KLF12: variants seen among roughly 807,000 people sequenced by gnomAD.
KLF12 encodes the protein KLF transcription factor 12.
In KLF12, 9 loss-of-function variants were observed where a neutral mutation model predicts 37.8. The observed-to-expected ratio is 0.24, with a 90% CI of 0.14 to 0.42. The LOEUF is 0.42. Among genes scored for constraint, KLF12 ranks in the 10% least tolerant of loss-of-function variants. KLF12 has a pLI of 1.00. For synonymous variants in KLF12, 208 were observed against 202.1 expected, an observed-to-expected ratio of 1.03 and a Z score of -0.25; for missense variants, 411 against 516.0, an observed-to-expected ratio of 0.80 and a Z score of 1.97.
At chr13:74,053,227 T>C (rs1873028697) in intron 1 of KLF12, among the ~76,000 whole-genome samples, 1 of 152,070 alleles carries the variant, frequency 6.6e-6, no homozygotes, top group Non-Finnish European at 1.5e-5. Context: ...AGTGAAAAAT[T>C]CCATTTGCCA....
At chr13:73,809,891 T>A (rs2325568) in intron 5 of KLF12, among the ~76,000 whole-genome samples, 3 of 151,934 alleles carry the variant, frequency 2.0e-5, no homozygotes, top group Admixed American at 1.3e-4. Context: ...ATGATACACA[T>A]GCAACTTTTG....
At chr13:74,278,666 T>C in the KLF12 span, among the ~76,000 whole-genome samples, 4 of 152,090 alleles carry the variant, frequency 2.6e-5, no homozygotes, top group African/African-American at 9.7e-5. Flanking sequence ...CCAAAAATCC[T>C]CCTCAATCTC....
At position 73,690,032 on chromosome 13, in the gene KLF12, TA is replaced by T. The variant is rs1218473614; in HGVS notation, c.*5457del. ...AAGATCAAATTAAGAAATGTTAATG[TA>T]AACAAGATTAGGTATATTTGAAAGC... On this transcript the variant is annotated 3_prime_UTR_variant, in exon 8 of 8. Coordinates refer to ENST00000377669, the MANE Select transcript of KLF12 (RefSeq NM_007249.5). 2 of 152,532 alleles carry T rather than the reference TA, an allele frequency of 1.3e-5. No individual in the cohort carries two copies. Among genetic ancestry groups the T allele is most frequent in the Non-Finnish European group, 2.9e-5 (2 of 68,026 alleles). 9.4% of individuals were successfully genotyped at this position (152,532 alleles called of 1,614,324 possible).
chr13:73,703,770 G>A (rs1044784393), intron 7 of KLF12, among the ~76,000 whole-genome samples: 17 of 152,146 alleles, frequency 1.1e-4, no homozygotes, highest in African/African-American at 4.1e-4. Context: ...GTTAGCATGT[G>A]TCTCAATTGC....
At chr13:73,965,388 G>A (rs9600195) in intron 2 of KLF12, among the ~76,000 whole-genome samples, 7,067 of 152,066 alleles carry the variant, frequency 0.046, 345 homozygotes, top group African/African-American at 0.12. Context: ...ACTTTATTTT[G>A]ATGGCTCATT....
chr13:74,034,931 T>C (rs1893210488), intron 1 of KLF12, among the ~76,000 whole-genome samples: 1 of 152,262 alleles, frequency 6.6e-6, no homozygotes, highest in African/African-American at 2.4e-5. Context: ...ACCTCTGTTC[T>C]GATTTCCAGG....
chr13:74,254,114 C>G, the KLF12 span, among the ~76,000 whole-genome samples: 1 of 152,152 alleles, frequency 6.6e-6, no homozygotes, highest in African/African-American at 2.4e-5. Flanking sequence ...TATATGCATT[C>G]CATATATGTA....
At chr13:73,959,251 A>G (rs191921991) in intron 2 of KLF12, among the ~76,000 whole-genome samples, 3 of 152,120 alleles carry the variant, frequency 2.0e-5, no homozygotes, top group Admixed American at 2.0e-4. Flanking sequence ...ACCCCACATA[A>G]AACTTGTTAC....
At chr13:73,952,599 C>G (rs1457100115) in intron 2 of KLF12, among the ~76,000 whole-genome samples, 1 of 152,166 alleles carries the variant, frequency 6.6e-6, no homozygotes, top group Non-Finnish European at 1.5e-5. Context: ...TATGGTAATT[C>G]ATTTCTTCAA....
intron 2 of KLF12, among the ~76,000 whole-genome samples, chr13:73,975,478 C>A (rs1176640683): frequency 6.6e-6 from 1 of 152,144 alleles, no homozygotes; most frequent in African/African-American, 2.4e-5. Flanking sequence ...ATGTCTACAG[C>A]CAAGCTTAGG....
At position 74,013,612 on chromosome 13, in the gene KLF12, A is replaced by AG. The variant is rs139459785; in HGVS notation, c.-31-18560dup. Among the ~76,000 whole-genome samples the AG allele has an allele frequency of 4.0e-3, 610 of 152,292 alleles. 3 individuals carry two copies. Among genetic ancestry groups the AG allele is most frequent in the African/African-American group, 0.014 (582 of 41,558 alleles). ...TCTTTCCTTCAGATTCAAAATATCTAGGGGGGCAAAGAAATTCTAAACTAT... is the reference window on the plus strand; with the variant it reads ...TCTTTCCTTCAGATTCAAAATATCTAGGGGGGGCAAAGAAATTCTAAACTAT... On this transcript the variant is annotated intron_variant, in intron 1 of 7. Coordinates refer to ENST00000377669, the MANE Select transcript of KLF12 (RefSeq NM_007249.5).
At chr13:74,234,065 T>G in the KLF12 span, among the ~76,000 whole-genome samples, 1 of 152,184 alleles carries the variant, frequency 6.6e-6, no homozygotes, top group Non-Finnish European at 1.5e-5. Flanking sequence ...TATTGCAAGA[T>G]GTTGATAATA....
intron 3 of KLF12, among the ~76,000 whole-genome samples, chr13:73,872,781 G>C (rs1886531939): frequency 6.6e-6 from 1 of 152,182 alleles, no homozygotes; most frequent in African/African-American, 2.4e-5. Context: ...TTGTATGTTA[G>C]TGGTAAGCAA....
At chr13:74,291,109 G>A in the KLF12 span, among the ~76,000 whole-genome samples, 1 of 152,208 alleles carries the variant, frequency 6.6e-6, no homozygotes, top group Non-Finnish European at 1.5e-5. Flanking sequence ...GGCATTGGAG[G>A]AGGGAAAACC....
chr13:73,855,072 C>G (rs1331078361), intron 3 of KLF12, among the ~76,000 whole-genome samples: 1 of 152,184 alleles, frequency 6.6e-6, no homozygotes, highest in Non-Finnish European at 1.5e-5. Context: ...GGCCCCAGAA[C>G]TTTTCCATGA....
At chr13:74,025,135 C>T (rs1010326442) in intron 1 of KLF12, among the ~76,000 whole-genome samples, 2 of 152,106 alleles carry the variant, frequency 1.3e-5, no homozygotes, top group Non-Finnish European at 2.9e-5. Context: ...AAGTCATGAA[C>T]AAATGCAAAT....
chr13:73,852,108 C>T (rs181494706), intron 3 of KLF12, among the ~76,000 whole-genome samples: 1 of 152,280 alleles, frequency 6.6e-6, no homozygotes, highest in East Asian at 1.9e-4. Flanking sequence ...TCACTTTCCT[C>T]TATTCTTTTG....
chr13:73,931,537 T>C (rs1173690068), intron 3 of KLF12, among the ~76,000 whole-genome samples: 5 of 152,162 alleles, frequency 3.3e-5, no homozygotes, highest in South Asian at 2.1e-4. Context: ...AAATTTAGCA[T>C]AGACATGCAA....
chr13:73,881,507 T>A (rs139929288), intron 3 of KLF12, among the ~76,000 whole-genome samples: 1 of 152,144 alleles, frequency 6.6e-6, no homozygotes, highest in African/African-American at 2.4e-5. Context: ...TAGTTATAGA[T>A]TTGCCAGAGT....
Sources: allele counts gnomAD v4.1 joint callset (sites outside exome capture counted in the v4.1 genomes callset), GRCh38; gene constraint gnomAD v4.1.1; transcripts MANE v1.5; gene names NCBI Gene and HGNC (gene_info 2026-07-23, HGNC 2026-07-21).